GRB10: variants seen among roughly 807,000 people sequenced by gnomAD.
GRB10 encodes the protein growth factor receptor-bound protein 10.
In GRB10, 20 loss-of-function variants were observed where a neutral mutation model predicts 80.9. That is an observed-to-expected ratio of 0.25 (90% CI 0.17 to 0.36). The LOEUF (loss-of-function observed/expected upper bound fraction) is 0.36. Ranked by LOEUF, GRB10 falls within the 10% of genes least tolerant of loss-of-function variation. The probability of loss-of-function intolerance (pLI) is 1.00; values close to 1 mark genes in which losing one functional copy is unlikely to be tolerated. For synonymous variants in GRB10, 291 were observed against 291.5 expected, an observed-to-expected ratio of 1.00 and a Z score of 0.02; for missense variants, 548 against 747.7, an observed-to-expected ratio of 0.73 and a Z score of 3.12.
chr7:50,702,555 A>AC (rs1358527328), intron 5 of GRB10, among the ~76,000 whole-genome samples: 5 of 152,176 alleles, frequency 3.3e-5, no homozygotes, highest in African/African-American at 1.2e-4. Context: ...AAAGGTATCA[A>AC]CCCTCTGGTC....
At chr7:50,712,507 G>C (rs2066047525) in intron 4 of GRB10, among the ~76,000 whole-genome samples, 1 of 138,748 alleles carries the variant, frequency 7.2e-6, no homozygotes, top group South Asian at 2.6e-4. Context: ...GCCCTGGTCA[G>C]AGTACAAAAA....
intron 4 of GRB10, among the ~76,000 whole-genome samples, chr7:50,718,937 C>T (rs1202444808): frequency 2.0e-5 from 3 of 152,128 alleles, no homozygotes; most frequent in Non-Finnish European, 4.4e-5. Context: ...TATCCAACCT[C>T]TTGGTCACCC....
chr7:50,673,805 C>T (rs2237472), intron 6 of GRB10, among the ~76,000 whole-genome samples: 35,099 of 152,116 alleles, frequency 0.23, 4,470 homozygotes, highest in East Asian at 0.51. Context: ...GCTTCAGCAC[C>T]GGCCCCCATC....
intron 7 of GRB10, among the ~76,000 whole-genome samples, chr7:50,639,498 A>ACC (rs1348104356): frequency 1.5e-5 from 2 of 130,184 alleles, no homozygotes; most frequent in African/African-American, 2.8e-5. Flanking sequence ...ACACGGTGAA[A>ACC]CCGTCTCTAC....
At chr7:50,769,488 C>T (rs1022753331) in intron 2 of GRB10, among the ~76,000 whole-genome samples, 1 of 152,232 alleles carries the variant, frequency 6.6e-6, no homozygotes, top group African/African-American at 2.4e-5. Flanking sequence ...CCCCATCCTT[C>T]CTGACAGAGG....
intron 1 of GRB10, among the ~76,000 whole-genome samples, chr7:50,781,924 C>T (rs549033493): frequency 2.0e-5 from 3 of 152,344 alleles, no homozygotes; most frequent in South Asian, 4.1e-4. Context: ...TACGTGTTTA[C>T]TCAAAGCTTT....
intron 7 of GRB10, among the ~76,000 whole-genome samples, chr7:50,640,505 G>A (rs528251748): frequency 3.7e-4 from 56 of 152,326 alleles, no homozygotes; most frequent in Middle Eastern, 3.4e-3. Context: ...CTTCTCTTTA[G>A]AAGGTGCTGA....
chr7:50,779,434 A>C (rs1588105613), intron 2 of GRB10: 1 of 152,254 alleles, frequency 6.6e-6, no homozygotes, highest in African/African-American at 2.4e-5. Flanking sequence ...AGCTCCCTTT[A>C]AGAAAATAAA....
intron 2 of GRB10, among the ~76,000 whole-genome samples, chr7:50,778,819 C>A (rs530093264): frequency 1.8e-4 from 28 of 152,310 alleles, no homozygotes; most frequent in African/African-American, 6.5e-4. Flanking sequence ...TGTTAGCATG[C>A]ACAAGCTCAA....
At chr7:50,655,787 A>G (rs746112817) in intron 7 of GRB10, among the ~76,000 whole-genome samples, 17 of 152,044 alleles carry the variant, frequency 1.1e-4, no homozygotes, top group Non-Finnish European at 2.5e-4. Flanking sequence ...CCTCCTCTAT[A>G]CTATCTCAGC....
At chr7:50,785,132 T>G (rs2153715228), upstream of GRB10, among the ~76,000 whole-genome samples, 1 of 151,434 alleles carries the variant, frequency 6.6e-6, no homozygotes, top group East Asian at 1.9e-4. Flanking sequence ...CCAACAGAAC[T>G]GAAAGAGGCT....
At chr7:50,628,570 T>G (rs1449559768) in intron 7 of GRB10, among the ~76,000 whole-genome samples, 9 of 46,162 alleles carry the variant, frequency 1.9e-4, no homozygotes, top group African/African-American at 4.4e-4. Context: ...CAGGTGGGGG[T>G]GGTGGGGGTG....
chr7:50,665,502 C>G (rs2059704437), intron 7 of GRB10, among the ~76,000 whole-genome samples: 1 of 152,230 alleles, frequency 6.6e-6, no homozygotes, highest in South Asian at 2.1e-4. Flanking sequence ...TTACTGGCTC[C>G]AGATTTCCAT....
chr7:50,598,275 CAGCCA>C (rs1221422005), intron 17 of GRB10, among the ~76,000 whole-genome samples: 2 of 152,208 alleles, frequency 1.3e-5, no homozygotes, highest in Non-Finnish European at 2.9e-5. Flanking sequence ...TCACTGCAAT[CAGCCA>C]ACTGCCACAA....
chr7:50,668,928 T>G (rs2060081040), intron 7 of GRB10, among the ~76,000 whole-genome samples: 1 of 152,218 alleles, frequency 6.6e-6, no homozygotes, highest in African/African-American at 2.4e-5. Flanking sequence ...CTACTTTAAG[T>G]AGAAACTACA....
intron 4 of GRB10, among the ~76,000 whole-genome samples, chr7:50,705,764 C>G (rs1156391691): frequency 2.0e-5 from 3 of 152,186 alleles, no homozygotes; most frequent in Admixed American, 1.3e-4. Context: ...TTCATTTCAC[C>G]AATATCCTAC....
In GRB10 at chr7:50,603,988, G is replaced by A. The variant is rs1477658455; in HGVS notation, c.1544+10C>T. On this transcript the variant is annotated intron_variant, in intron 17 of 18. Coordinates refer to ENST00000401949, the MANE Select transcript of GRB10 (RefSeq NM_001350814.2). ...GCAGATGACAGCTCTTATCAGTGGT[G>A]GTTCCTTACCCATCCACGAGCCCTT... is the stretch of plus-strand genomic sequence containing the variant. The A allele has an allele frequency of 6.3e-7, 1 of 1,594,760 alleles. No individual in the cohort carries two copies. The highest frequency in any genetic ancestry group is 8.6e-7 in the Non-Finnish European group (1 of 1,162,304).
upstream of GRB10, among the ~76,000 whole-genome samples, chr7:50,783,845 G>A (rs1262745325): frequency 2.0e-5 from 3 of 152,306 alleles, no homozygotes; most frequent in Non-Finnish European, 4.4e-5. Flanking sequence ...TTCAAAGAGT[G>A]GAAAAGCTAC....
At chr7:50,622,068 C>T (rs2051871752) in intron 8 of GRB10, among the ~76,000 whole-genome samples, 1 of 152,188 alleles carries the variant, frequency 6.6e-6, no homozygotes, top group Non-Finnish European at 1.5e-5. Flanking sequence ...CACTCCCTGC[C>T]CATCATTCCT....
Sources: allele counts gnomAD v4.1 joint callset (sites outside exome capture counted in the v4.1 genomes callset), GRCh38; gene constraint gnomAD v4.1.1; transcripts MANE v1.5; gene names NCBI Gene and HGNC (gene_info 2026-07-23, HGNC 2026-07-21).